ATOH7: variants seen among roughly 807,000 people sequenced by gnomAD.
ATOH7 encodes the protein transcription factor ATOH7.
In ATOH7, 11 loss-of-function variants were observed where a neutral mutation model predicts 11.0. That is an observed-to-expected ratio of 1.00 (90% CI 0.63 to 1.66). The LOEUF (loss-of-function observed/expected upper bound fraction) is 1.66. Ranked by LOEUF, ATOH7 falls within the 40% of genes most tolerant of loss-of-function variation. The probability of loss-of-function intolerance (pLI) is 0.00; values close to 1 mark genes in which losing one functional copy is unlikely to be tolerated. For synonymous variants in ATOH7, 98 were observed against 98.3 expected (o/e 1.00, Z 0.02); for missense variants, 232 against 219.2 (o/e 1.06, Z -0.37).
rs140546531 is a variant in ATOH7 at position 68,231,474 on chromosome 10, G to C, written c.204C>G (p.Pro68=). 16 of 1,602,002 alleles carry C rather than the reference G, an allele frequency of 1.0e-5. No homozygotes were observed. In the African/African-American group the frequency reaches 2.0e-4, roughly 20 times the overall value. Residue 68 remains proline, a synonymous_variant, in exon 1 of 1, where the codon CCC becomes CCG. Coordinates refer to ENST00000373673, the MANE Select transcript of ATOH7 (RefSeq NM_145178.4). ...TAFDRLRRVV[P]QWGQDKKLSK... ...ACAGCTTTTTATCCTGGCCCCACTG[G>C]GGAACCACCCTGCGTAAGCGGTCGA...
rs1444235186 is a variant in ATOH7 at position 68,231,686 on chromosome 10, C to T, written c.-9G>A. On this transcript the variant is annotated 5_prime_UTR_variant, in exon 1 of 1. Coordinates refer to ENST00000373673, the MANE Select transcript of ATOH7 (RefSeq NM_145178.4). ...GGCTTGCAGGACTTCATCCCCGGCC[C>T]CAAGCAGCGAGGCGCCGACCTCGCA... The T allele has an allele frequency of 7.6e-6, 9 of 1,184,632 alleles. No individual in the cohort carries two copies. Among genetic ancestry groups the T allele is most frequent in the Non-Finnish European group, 8.4e-6 (8 of 950,500 alleles). 73.4% of individuals were successfully genotyped at this position (1,184,632 alleles called of 1,614,324 possible).
At position 68,231,061 on chromosome 10, in the gene ATOH7, G is replaced by A; in HGVS notation, c.*158C>T. The A allele has an allele frequency of 5.9e-6, 4 of 681,014 alleles. No individual in the cohort carries two copies. Among genetic ancestry groups the A allele is most frequent in the Non-Finnish European group, 9.0e-6 (4 of 442,036 alleles). 42.2% of individuals were successfully genotyped at this position (681,014 alleles called of 1,614,324 possible). A position where few individuals can be genotyped will look rare whatever the true frequency, so the allele number is the denominator to read the frequency against. On this transcript the variant is annotated 3_prime_UTR_variant, in exon 1 of 1. Coordinates refer to ENST00000373673, the MANE Select transcript of ATOH7 (RefSeq NM_145178.4). ...AGGCAATTAAATGATTGCGTCCATA[G>A]GTCTGATGATGCGAATAAAGGTAAT...
In ATOH7 at chr10:68,231,442, T is replaced by C; in HGVS notation, c.236A>G (p.Tyr79Cys). 1 of 1,611,880 alleles carries C rather than the reference T, an allele frequency of 6.2e-7. No individual in the cohort carries two copies. The highest frequency in any genetic ancestry group is 1.1e-5 in the South Asian group (1 of 90,816). Residue 79 changes from tyrosine to cysteine, a missense_variant, in exon 1 of 1, where the codon TAC (tyrosine) becomes TGC (cysteine). Tyr to Cys is a radical substitution (Grantham distance 194). Coordinates refer to ENST00000373673, the MANE Select transcript of ATOH7 (RefSeq NM_145178.4). ...GCTCAGGGCCATCTGCAGGGTCTCG[T>C]ACTTGGACAGCTTTTTATCCTGGCC... ...QWGQDKKLSK[Y>C]ETLQMALSYI...
Position 68,231,625 on chromosome 10 carries a change from G to A in ATOH7, c.53C>T (p.Pro18Leu). 8.6e-7 allele frequency: 1 copy of A among 1,166,068 alleles called. No homozygotes were observed. The highest frequency in any genetic ancestry group is 3.9e-5 in the East Asian group (1 of 25,516). The allele number at this position is 1,166,068 out of a possible 1,614,324, so 72.2% of individuals were successfully genotyped here. A position where few individuals can be genotyped will look rare whatever the true frequency, so the allele number is the denominator to read the frequency against. ...GPPAGARVAPPCAGGTECAGT... is the reference protein window; with the variant it reads ...GPPAGARVAPLCAGGTECAGT... ...CGCGCACTCGGTGCCGCCCGCGCAC[G>A]GGGGTGCAACGCGCGCTCCCGCCGG... Residue 18 changes from proline to leucine, a missense_variant, in exon 1 of 1, where the codon CCG becomes CTG. Transcript: ENST00000373673.
At position 68,231,511 on chromosome 10, in the gene ATOH7, A is replaced by G; in HGVS notation, c.167T>C (p.Leu56Pro). 1.4e-6 allele frequency: 2 copies of G among 1,415,212 alleles called. No individual in the cohort carries two copies. The highest frequency in any genetic ancestry group is 1.9e-6 in the Non-Finnish European group (2 of 1,070,350). The allele number at this position is 1,415,212 out of a possible 1,614,324, so 87.7% of individuals were successfully genotyped here. ...NARERRRMQG[L>P]NTAFDRLRRV... ...GCGTAAGCGGTCGAAGGCAGTGTTG[A>G]GCCCCTGCATGCGGCGGCGCTCGCG... Residue 56 changes from leucine to proline, a missense_variant, in exon 1 of 1, where the codon CTC (leucine) becomes CCC (proline). Physicochemically the swap from Leu to Pro is moderately conservative, Grantham distance 98. Coordinates refer to ENST00000373673, the MANE Select transcript of ATOH7 (RefSeq NM_145178.4).
rs2044023012 is a variant in ATOH7, at chr10:68,231,017, AAGG to A, written c.*199_*201del. ...CCATTAATGAAATCTACAAAATACAAAGGAGGAGGGGAAAAGAAAGGCAATTAA... is the reference window on the plus strand; with the variant it reads ...CCATTAATGAAATCTACAAAATACAAAGGAGGGGAAAAGAAAGGCAATTAA... On this transcript the variant is annotated 3_prime_UTR_variant, in exon 1 of 1. Transcript: ENST00000373673. 1 of 493,360 alleles carries A rather than the reference AAGG, an allele frequency of 2.0e-6. No homozygotes were observed. The highest frequency in any genetic ancestry group is 4.2e-5 in the Admixed American group (1 of 23,864). 30.6% of individuals were successfully genotyped at this position (493,360 alleles called of 1,614,324 possible).
rs1464702318 is a variant in ATOH7, at chr10:68,231,507, G to A, written c.171C>T (p.Asn57=). 2.1e-6 allele frequency: 3 copies of A among 1,437,412 alleles called. No individual in the cohort carries two copies. Among genetic ancestry groups the A allele is most frequent in the Non-Finnish European group, 2.8e-6 (3 of 1,081,354 alleles). 89.0% of individuals were successfully genotyped at this position (1,437,412 alleles called of 1,614,324 possible). A position where few individuals can be genotyped will look rare whatever the true frequency, so the allele number is the denominator to read the frequency against. The change falls in exon 1 of 1, where the codon AAC becomes AAT. Residue 57 remains asparagine, a synonymous_variant. Transcript: ENST00000373673. ...CCCTGCGTAAGCGGTCGAAGGCAGT[G>A]TTGAGCCCCTGCATGCGGCGGCGCT... is the stretch of plus-strand genomic sequence containing the variant. ...ARERRRMQGL[N]TAFDRLRRVV...
rs201955526 is a variant in ATOH7 at position 68,231,342 on chromosome 10, G to A, written c.336C>T (p.His112=). 466 of 1,613,446 alleles carry A rather than the reference G, an allele frequency of 2.9e-4. 4 individuals are homozygous for A. The Middle Eastern group carries it at 3.0e-3, about 10-fold the overall frequency. ...FGSERDWVGL[H]CEHFGRDHYL... ...AGTGGTCGCGGCCGAAGTGCTCACA[G>A]TGGAGACCCACCCAGTCCCGCTCCG... Residue 112 remains histidine, a synonymous_variant, in exon 1 of 1, where the codon CAC becomes CAT. Transcript: ENST00000373673.
Position 68,231,570 on chromosome 10 carries a change from C to T in ATOH7, c.108G>A (p.Glu36=). The T allele has an allele frequency of 1.6e-6, 2 of 1,224,348 alleles. No homozygotes were observed. Among genetic ancestry groups the T allele is most frequent in the African/African-American group, 1.6e-5 (1 of 63,520 alleles). 75.8% of individuals were successfully genotyped at this position (1,224,348 alleles called of 1,614,324 possible). A position where few individuals can be genotyped will look rare whatever the true frequency, so the allele number is the denominator to read the frequency against. ...AGTCAGAGRL[E]SAARRRLAAN... The stretch of plus-strand genomic sequence containing the variant: ...CCGCCAGGCGCCTGCGCGCCGCGCT[C>T]TCCAGCCGCCCGGCCCCGGCGCACG... Residue 36 remains glutamate (E), a synonymous_variant, in exon 1 of 1, where the codon GAG becomes GAA. Coordinates refer to ENST00000373673, the MANE Select transcript of ATOH7 (RefSeq NM_145178.4).
Position 68,231,501 on chromosome 10 carries a change from G to T in ATOH7, c.177C>A (p.Ala59=). The change falls in exon 1 of 1, where the codon GCC becomes GCA. Residue 59 remains alanine (A), a synonymous_variant. Coordinates refer to ENST00000373673, the MANE Select transcript of ATOH7 (RefSeq NM_145178.4). ...ERRRMQGLNT[A]FDRLRRVVPQ... ...GAACCACCCTGCGTAAGCGGTCGAA[G>T]GCAGTGTTGAGCCCCTGCATGCGGC... The T allele has an allele frequency of 6.4e-7, 1 of 1,557,682 alleles. No individual in the cohort carries two copies. Among genetic ancestry groups the T allele is most frequent in the Non-Finnish European group, 8.7e-7 (1 of 1,150,644 alleles).
At position 68,231,205 on chromosome 10, in the gene ATOH7, C is replaced by G; in HGVS notation, c.*14G>C. 1.3e-6 allele frequency: 2 copies of G among 1,500,314 alleles called. No homozygotes were observed. Among genetic ancestry groups the G allele is most frequent in the Non-Finnish European group, 1.8e-6 (2 of 1,126,242 alleles). The allele number at this position is 1,500,314 out of a possible 1,614,324, so 92.9% of individuals were successfully genotyped here. On this transcript the variant is annotated 3_prime_UTR_variant, in exon 1 of 1. Coordinates refer to ENST00000373673, the MANE Select transcript of ATOH7 (RefSeq NM_145178.4). ...AGCGGCTGCCGGACACCCACCCCCGCGGAGGCGCGCGCCCTAGGTGGCCAT... is the reference window on the plus strand; with the variant it reads ...AGCGGCTGCCGGACACCCACCCCCGGGGAGGCGCGCGCCCTAGGTGGCCAT...
chr10:68,231,199 C>T lies in ATOH7; in HGVS notation c.*20G>A, dbSNP rs760882760. On this transcript the variant is annotated 3_prime_UTR_variant, in exon 1 of 1. Coordinates refer to ENST00000373673, the MANE Select transcript of ATOH7 (RefSeq NM_145178.4). Reference sequence around the variant, plus strand: ...GCTCGGAGCGGCTGCCGGACACCCACCCCCGCGGAGGCGCGCGCCCTAGGT... The same window carrying T: ...GCTCGGAGCGGCTGCCGGACACCCATCCCCGCGGAGGCGCGCGCCCTAGGT... 6.0e-6 allele frequency: 9 copies of T among 1,492,470 alleles called. No individual in the cohort carries two copies. Among genetic ancestry groups the T allele is most frequent in the East Asian group, 5.0e-5 (2 of 39,852 alleles). 92.5% of individuals were successfully genotyped at this position (1,492,470 alleles called of 1,614,324 possible). A position where few individuals can be genotyped will look rare whatever the true frequency, so the allele number is the denominator to read the frequency against.
chr10:68,231,615 G>A lies in ATOH7; in HGVS notation c.63C>T (p.Gly21=), dbSNP rs938026944. 12 of 1,161,748 alleles carry A rather than the reference G, an allele frequency of 1.0e-5. No individual in the cohort carries two copies. The highest frequency in any genetic ancestry group is 1.3e-5 in the Non-Finnish European group (12 of 941,772). The allele number at this position is 1,161,748 out of a possible 1,614,324, so 72.0% of individuals were successfully genotyped here. Residue 21 remains glycine (G), a synonymous_variant, in exon 1 of 1, where the codon GGC becomes GGT. Coordinates refer to ENST00000373673, the MANE Select transcript of ATOH7 (RefSeq NM_145178.4). ...AGARVAPPCA[G]GTECAGTCAG... ...CGCACGTGCCCGCGCACTCGGTGCC[G>A]CCCGCGCACGGGGGTGCAACGCGCG...
At position 68,231,330 on chromosome 10, in the gene ATOH7, G is replaced by C; in HGVS notation, c.348C>G (p.Phe116Leu). 1 of 1,613,106 alleles carries C rather than the reference G, an allele frequency of 6.2e-7. No homozygotes were observed. Among genetic ancestry groups the C allele is most frequent in the Non-Finnish European group, 8.5e-7 (1 of 1,179,770 alleles). ...GGAACGGGAGGTAGTGGTCGCGGCC[G>C]AAGTGCTCACAGTGGAGACCCACCC... ...RDWVGLHCEH[F>L]GRDHYLPFPG... is the part of the protein sequence containing the mutation. Residue 116 changes from phenylalanine (F) to leucine (L), a missense_variant, in exon 1 of 1, where the codon TTC becomes TTG. Coordinates refer to ENST00000373673, the MANE Select transcript of ATOH7 (RefSeq NM_145178.4).
At position 68,231,340 on chromosome 10, in the gene ATOH7, CAGTGGAG is replaced by C; in HGVS notation, c.331_337del (p.Leu111ValfsTer81). The stretch of plus-strand genomic sequence containing the variant: ...GTAGTGGTCGCGGCCGAAGTGCTCA[CAGTGGAG>C]ACCCACCCAGTCCCGCTCCGAGCCG... On this transcript the variant is annotated frameshift_variant, in exon 1 of 1. Transcript: ENST00000373673. LOFTEE classifies it high-confidence loss of function. 6.2e-7 allele frequency: 1 copy of C among 1,613,406 alleles called. No homozygotes were observed. The highest frequency in any genetic ancestry group is 8.5e-7 in the Non-Finnish European group (1 of 1,179,840).
At position 68,231,953 on chromosome 10, in the gene ATOH7, A is replaced by G. The variant is rs1053591796; in HGVS notation, c.-276T>C. 1.1e-5 allele frequency: 2 copies of G among 181,052 alleles called. No homozygotes were observed. The highest frequency in any genetic ancestry group is 2.6e-5 in the Non-Finnish European group (2 of 77,456). The allele number at this position is 181,052 out of a possible 1,614,324, so 11.2% of individuals were successfully genotyped here. ...GTCATTTTCTCAACATGAAGTTGAA[A>G]AAGAGAAGGAAACCTTCTGCAGCAG... On this transcript the variant is annotated 5_prime_UTR_variant, in exon 1 of 1. Transcript: ENST00000373673.
At position 68,231,347 on chromosome 10, in the gene ATOH7, G is replaced by C; in HGVS notation, c.331C>G (p.Leu111Val). The C allele has an allele frequency of 1.9e-6, 3 of 1,613,454 alleles. No individual in the cohort carries two copies. The highest frequency in any genetic ancestry group is 2.5e-6 in the Non-Finnish European group (3 of 1,179,870). ...RFGSERDWVG[L>V]HCEHFGRDHY... ...TCGCGGCCGAAGTGCTCACAGTGGA[G>C]ACCCACCCAGTCCCGCTCCGAGCCG... Residue 111 changes from leucine (L) to valine (V), a missense_variant, in exon 1 of 1, where the codon CTC (leucine) becomes GTC (valine). Leu to Val is a conservative substitution (Grantham distance 32). Transcript: ENST00000373673.
Position 68,231,651 on chromosome 10 carries a change from C to T in ATOH7, c.27G>A (p.Pro9=). 8.5e-7 allele frequency: 1 copy of T among 1,171,734 alleles called. No homozygotes were observed. The highest frequency in any genetic ancestry group is 1.1e-6 in the Non-Finnish European group (1 of 947,000). 72.6% of individuals were successfully genotyped at this position (1,171,734 alleles called of 1,614,324 possible). The change falls in exon 1 of 1, where the codon CCG becomes CCA. Residue 9 remains proline, a synonymous_variant. Coordinates refer to ENST00000373673, the MANE Select transcript of ATOH7 (RefSeq NM_145178.4). The stretch of plus-strand genomic sequence containing the variant: ...GGGGTGCAACGCGCGCTCCCGCCGG[C>T]GGGCCGCTGGGCTTGCAGGACTTCA... The part of the protein sequence containing the change: MKSCKPSG[P]PAGARVAPPC...
In ATOH7 at chr10:68,231,791, T is replaced by A; in HGVS notation, c.-114A>T. 1.5e-6 allele frequency: 1 copy of A among 658,982 alleles called. No individual in the cohort carries two copies. The highest frequency in any genetic ancestry group is 2.0e-6 in the Non-Finnish European group (1 of 506,104). 40.8% of individuals were successfully genotyped at this position (658,982 alleles called of 1,614,324 possible). Reference sequence around the variant, plus strand: ...GTGCCTCTTCTGAGCAAATAAGTCATAAACAAAGCAACTCACGTGCAATCA... The same window carrying A: ...GTGCCTCTTCTGAGCAAATAAGTCAAAAACAAAGCAACTCACGTGCAATCA... On this transcript the variant is annotated 5_prime_UTR_variant, in exon 1 of 1. The change abolishes an upstream ATG in the 5' untranslated region. Transcript: ENST00000373673.
Sources: allele counts gnomAD v4.1 joint callset, GRCh38; gene constraint gnomAD v4.1.1; transcripts MANE v1.5; gene names NCBI Gene and HGNC (gene_info 2026-07-23, HGNC 2026-07-21).